PTPN4: variants seen among roughly 807,000 people sequenced by gnomAD.
The protein encoded by PTPN4 is tyrosine-protein phosphatase non-receptor type 4.
In PTPN4, 49 loss-of-function variants were observed where a neutral mutation model predicts 135.5. The ratio of observed to expected loss-of-function variants is 0.36; its 90% CI spans 0.29 to 0.46. The LOEUF (loss-of-function observed/expected upper bound fraction) is 0.46. Among genes scored for constraint, PTPN4 ranks in the 20% least tolerant of loss-of-function variants. PTPN4 has a pLI of 1.00. For missense variants in PTPN4, 860 were observed against 1,101.0 expected (o/e 0.78, Z 3.10); for synonymous variants, 333 against 369.9 (o/e 0.90, Z 1.14).
chr2:119,926,943 G>T (rs1314140242), intron 13 of PTPN4, among the ~76,000 whole-genome samples: 1 of 151,768 alleles, frequency 6.6e-6, no homozygotes, highest in Non-Finnish European at 1.5e-5. Context: ...TCTGTTCGAG[G>T]TTGCTCCACT....
intron 22 of PTPN4, among the ~76,000 whole-genome samples, chr2:119,959,466 G>A (rs897373356): frequency 2.0e-5 from 3 of 152,218 alleles, no homozygotes; most frequent in Non-Finnish European, 2.9e-5. Flanking sequence ...GGGGCCAGGC[G>A]CAGTAGCGCA....
chr2:119,776,575 C>G (rs1690841568), intron 1 of PTPN4, among the ~76,000 whole-genome samples: 2 of 152,094 alleles, frequency 1.3e-5, no homozygotes, highest in Admixed American at 6.5e-5. Flanking sequence ...CCTGCTTCCC[C>G]TTCCACTTCC....
In PTPN4 at chr2:119,920,259, G is replaced by C. The variant is rs1678717021; in HGVS notation, c.1001+18G>C. On this transcript the variant is annotated intron_variant, in intron 12 of 26. Transcript: ENST00000263708. The stretch of plus-strand genomic sequence containing the variant: ...CGGTACTGGTAAGTATTGCTTCTGT[G>C]TTAAGGCTTTATTGTTGGATTTTGT... 6.4e-7 allele frequency: 1 copy of C among 1,573,318 alleles called. No individual in the cohort carries two copies. The highest frequency in any genetic ancestry group is 1.8e-5 in the Admixed American group (1 of 54,882).
intron 2 of PTPN4, among the ~76,000 whole-genome samples, chr2:119,824,122 T>G (rs1309405203): frequency 2.0e-5 from 3 of 152,236 alleles, no homozygotes; most frequent in Admixed American, 2.0e-4. Flanking sequence ...TATCTTTCGC[T>G]TAATGATTTC....
At chr2:119,935,207 A>T (rs1678964888) in intron 15 of PTPN4, 1 of 419,614 alleles carries the variant, frequency 2.4e-6, no homozygotes, top group African/African-American at 2.1e-5. Flanking sequence ...AAACTCAAAT[A>T]TTTCTGCAGA....
chr2:119,850,392 G>A (rs545119616), intron 2 of PTPN4, among the ~76,000 whole-genome samples: 16 of 152,350 alleles, frequency 1.1e-4, no homozygotes, highest in African/African-American at 3.4e-4. Context: ...TGGACCATCT[G>A]TGTCTGAGGT....
intron 2 of PTPN4, among the ~76,000 whole-genome samples, chr2:119,851,041 T>C (rs1677583546): frequency 1.3e-5 from 2 of 152,376 alleles, no homozygotes; most frequent in South Asian, 2.1e-4. Context: ...AGGCCAATGC[T>C]GGTTTCATAG....
intron 2 of PTPN4, among the ~76,000 whole-genome samples, chr2:119,829,566 T>A (rs1003142610): frequency 1.3e-5 from 2 of 152,236 alleles, no homozygotes; most frequent in East Asian, 1.9e-4. Context: ...ATAAGTAGAA[T>A]CATACAATAT....
Position 119,926,639 on chromosome 2 carries a change from A to G in PTPN4, c.1043A>G (p.Lys348Arg). 6.2e-7 allele frequency: 1 copy of G among 1,605,548 alleles called. No homozygotes were observed. Among genetic ancestry groups the G allele is most frequent in the Non-Finnish European group, 8.5e-7 (1 of 1,174,672 alleles). ...EVQSVQYGKE[K>R]ANKDRVFARS... ...CAATCAGTTCAGTATGGCAAAGAAAAGGCAAATAAAGACAGGGTATTTGCA... is the reference window on the plus strand; with the variant it reads ...CAATCAGTTCAGTATGGCAAAGAAAGGGCAAATAAAGACAGGGTATTTGCA... Residue 348 changes from lysine to arginine, a missense_variant, in exon 13 of 27, where the codon AAG (lysine) becomes AGG (arginine). Physicochemically the swap from Lys to Arg is conservative, Grantham distance 26 (BLOSUM62 2). Coordinates refer to ENST00000263708, the MANE Select transcript of PTPN4 (RefSeq NM_002830.4).
chr2:119,935,584 T>C (rs1678970677), intron 15 of PTPN4, among the ~76,000 whole-genome samples: 3 of 152,124 alleles, frequency 2.0e-5, no homozygotes, highest in Admixed American at 1.3e-4. Context: ...TATATCTTGG[T>C]AAAACATTTT....
At chr2:119,812,239 T>C (rs1438849965) in intron 2 of PTPN4, among the ~76,000 whole-genome samples, 1 of 152,172 alleles carries the variant, frequency 6.6e-6, no homozygotes, top group Non-Finnish European at 1.5e-5. Context: ...AATTGGGGGT[T>C]TGAAAGTTTT....
intron 2 of PTPN4, among the ~76,000 whole-genome samples, chr2:119,861,214 C>T (rs566839560): frequency 6.6e-6 from 1 of 152,094 alleles, no homozygotes; most frequent in Non-Finnish European, 1.5e-5. Context: ...TTATACCAAC[C>T]CATTTGTGGT....
At chr2:119,766,467 T>C (rs1417111462) in intron 1 of PTPN4, among the ~76,000 whole-genome samples, 4,294 of 124,854 alleles carry the variant, frequency 0.034, 113 homozygotes, top group African/African-American at 0.077. Flanking sequence ...TGTGTGTGTG[T>C]GTGTGTGTGT....
intron 2 of PTPN4, among the ~76,000 whole-genome samples, chr2:119,813,543 G>A (rs546976682): frequency 3.6e-4 from 54 of 151,612 alleles, no homozygotes; most frequent in Admixed American, 9.8e-4. Flanking sequence ...CACTGTGCCC[G>A]GTCACAGTGG....
intron 2 of PTPN4, among the ~76,000 whole-genome samples, chr2:119,843,696 C>T (rs1184231453): frequency 3.0e-5 from 2 of 67,612 alleles, no homozygotes; most frequent in East Asian, 7.5e-4. Context: ...GTAGGGGCGG[C>T]CGGGCAGAGG....
At chr2:119,841,825 T>G (rs916222518) in intron 2 of PTPN4, among the ~76,000 whole-genome samples, 3 of 152,176 alleles carry the variant, frequency 2.0e-5, no homozygotes, top group African/African-American at 4.8e-5. Context: ...CATTATTGAT[T>G]GAAAAGTTGG....
chr2:119,920,130 T>G lies in PTPN4; in HGVS notation c.890T>G (p.Leu297Trp). The change falls in exon 12 of 27, where the codon TTG becomes TGG. Residue 297 changes from leucine to tryptophan, a missense_variant. Physicochemically the swap from Leu to Trp is moderately conservative, Grantham distance 61 (BLOSUM62 -2). Transcript: ENST00000263708. ...GTGAATTACAGAGCATGTAAAAATT[T>G]GTGGAAAGCATGTGTAGAACATCAC... ...NMVNYRACKN[L>W]WKACVEHHTF... 2 of 1,613,348 alleles carry G rather than the reference T, an allele frequency of 1.2e-6. No individual in the cohort carries two copies. Among genetic ancestry groups the G allele is most frequent in the Non-Finnish European group, 1.7e-6 (2 of 1,179,728 alleles).
intron 2 of PTPN4, among the ~76,000 whole-genome samples, chr2:119,824,697 T>A (rs550183756): frequency 2.0e-5 from 3 of 152,318 alleles, no homozygotes; most frequent in Admixed American, 2.0e-4. Context: ...TATAAACATT[T>A]TTTTCTTTGA....
intron 12 of PTPN4, among the ~76,000 whole-genome samples, chr2:119,924,291 T>C (rs550370324): frequency 2.6e-5 from 4 of 152,230 alleles, no homozygotes; most frequent in Middle Eastern, 3.4e-3. Context: ...TTTTATCTTT[T>C]ATTTCACTGG....
Sources: allele counts gnomAD v4.1 joint callset (sites outside exome capture counted in the v4.1 genomes callset), GRCh38; gene constraint gnomAD v4.1.1; transcripts MANE v1.5; gene names NCBI Gene and HGNC (gene_info 2026-07-23, HGNC 2026-07-21).